The following DPP6 variants were observed in gnomAD, a reference collection of about 807,000 sequenced individuals.
The protein encoded by DPP6 is dipeptidyl peptidase like 6.
DPP6 carries 69 observed loss-of-function variants against 122.6 expected under a neutral mutation model. The ratio of observed to expected loss-of-function variants is 0.56; its 90% CI spans 0.46 to 0.69. DPP6 has a LOEUF of 0.69. Ranked by LOEUF, DPP6 falls within the 30% of genes least tolerant of loss-of-function variation. DPP6 has a pLI of 0.00. For missense variants in DPP6, 928 were observed against 1,116.9 expected (o/e 0.83, Z 2.41); for synonymous variants, 418 against 433.1 (o/e 0.97, Z 0.43).
chr7:153,790,796 A>G, the DPP6 span, among the ~76,000 whole-genome samples: 1 of 152,222 alleles, frequency 6.6e-6, no homozygotes, highest in Non-Finnish European at 1.5e-5. Flanking sequence ...AGTGTTATAA[A>G]GCTCAGCTGT....
chr7:154,600,819 C>G lies in DPP6; in HGVS notation c.627+33903C>G, dbSNP rs187444961. Among the ~76,000 whole-genome samples, 1,184 of 121,112 alleles carry G rather than the reference C, an allele frequency of 9.8e-3. 360 individuals are homozygous for G. Among genetic ancestry groups the G allele is most frequent in the Non-Finnish European group, 9.1e-3 (486 of 53,564 alleles). The allele number at this position is 121,112 out of a possible 152,430, so 79.5% of individuals were successfully genotyped here. ...ACTTAAAACCACTTGCAGCCAGGCG[C>G]AGTGGCTCATGCCTGTAATCCCAGC... On this transcript the variant is annotated intron_variant, in intron 5 of 25. Transcript: ENST00000377770.
At chr7:154,419,853 A>G (rs1817315544) in intron 1 of DPP6, among the ~76,000 whole-genome samples, 1 of 152,176 alleles carries the variant, frequency 6.6e-6, no homozygotes, top group Admixed American at 6.5e-5. Flanking sequence ...TGTTTCCAAA[A>G]TAAGTGAAAT....
chr7:153,828,250 G>A, the DPP6 span, among the ~76,000 whole-genome samples: 1 of 152,222 alleles, frequency 6.6e-6, no homozygotes. Context: ...CCAGGGGTAG[G>A]GCAGTGGAGG....
Position 154,606,918 on chromosome 7 carries a change from G to A in DPP6, c.628-30903G>A, listed in dbSNP as rs1235056795. 1.2e-4 allele frequency among the ~76,000 whole-genome samples: 14 copies of A among 121,308 alleles called. 4 individuals carry two copies. Among genetic ancestry groups the A allele is most frequent in the Non-Finnish European group, 1.7e-4 (9 of 53,802 alleles). The allele number at this position is 121,308 out of a possible 152,430, so 79.6% of individuals were successfully genotyped here. A position where few individuals can be genotyped will look rare whatever the true frequency, so the allele number is the denominator to read the frequency against. On this transcript the variant is annotated intron_variant, in intron 5 of 25. Transcript: ENST00000377770. Reference sequence around the variant, plus strand: ...GGCAGCATTCACAGTCCAGAAAAATGTACATAAATGTAAAGATACAGCATT... The same window carrying A: ...GGCAGCATTCACAGTCCAGAAAAATATACATAAATGTAAAGATACAGCATT...
chr7:154,588,123 C>A, intron 5 of DPP6: 1 of 1,575,164 alleles, frequency 6.3e-7, no homozygotes, highest in Non-Finnish European at 8.6e-7. Flanking sequence ...CTTGTTCCTT[C>A]AACACTGGTG....
intron 1 of DPP6, among the ~76,000 whole-genome samples, chr7:154,127,534 A>G (rs1287701855): frequency 6.6e-6 from 1 of 151,484 alleles, no homozygotes; most frequent in East Asian, 1.9e-4. Flanking sequence ...CAGGACTGCT[A>G]TCTGCTGTTG....
At chr7:154,503,528 A>G (rs1237932871) in intron 3 of DPP6, among the ~76,000 whole-genome samples, 2 of 152,240 alleles carry the variant, frequency 1.3e-5, no homozygotes, top group Non-Finnish European at 2.9e-5. Context: ...ACCATAAATG[A>G]CATTAAAGAA....
chr7:154,541,537 T>G (rs1003347553), intron 4 of DPP6, among the ~76,000 whole-genome samples: 2 of 152,186 alleles, frequency 1.3e-5, no homozygotes, highest in African/African-American at 4.8e-5. Flanking sequence ...TTAAAGAGAA[T>G]TAACATTTTG....
At chr7:153,881,842 G>A in the DPP6 span, among the ~76,000 whole-genome samples, 1 of 152,088 alleles carries the variant, frequency 6.6e-6, no homozygotes, top group Admixed American at 6.6e-5. Context: ...ATGTATTTCA[G>A]CTGTCATCAC....
At chr7:154,255,136 A>G (rs894062898) in intron 1 of DPP6, among the ~76,000 whole-genome samples, 2 of 152,154 alleles carry the variant, frequency 1.3e-5, no homozygotes, top group Admixed American at 6.6e-5. Context: ...CAGCTAGTCT[A>G]TTCAGACAGA....
chr7:154,238,681 A>G (rs1801376804), intron 1 of DPP6, among the ~76,000 whole-genome samples: 2 of 152,186 alleles, frequency 1.3e-5, no homozygotes, highest in African/African-American at 4.8e-5. Context: ...CTTTATTTGC[A>G]CCTACATGGG....
At chr7:154,505,618 G>A (rs189100482) in intron 3 of DPP6, among the ~76,000 whole-genome samples, 12 of 152,204 alleles carry the variant, frequency 7.9e-5, no homozygotes, top group Non-Finnish European at 1.8e-4. Flanking sequence ...TTCTTCAATT[G>A]CATCATTTCT....
intron 1 of DPP6, among the ~76,000 whole-genome samples, chr7:154,366,062 C>G (rs946940102): frequency 6.6e-6 from 1 of 152,086 alleles, no homozygotes; most frequent in African/African-American, 2.4e-5. Context: ...CCATAGACTC[C>G]TCTTGCAGCA....
chr7:154,568,643 A>C (rs1830920819), intron 5 of DPP6, among the ~76,000 whole-genome samples: 1 of 152,052 alleles, frequency 6.6e-6, no homozygotes, highest in Admixed American at 6.5e-5. Context: ...TGAACCAGAA[A>C]CCATTTTGAT....
intron 1 of DPP6, among the ~76,000 whole-genome samples, chr7:154,060,807 A>AC (rs1442236145): frequency 4.0e-5 from 3 of 75,868 alleles, no homozygotes; most frequent in Admixed American, 1.4e-4. Flanking sequence ...AGGGGGACGC[A>AC]CCCCCCATGA....
intron 5 of DPP6, chr7:154,587,111 A>G (rs76974909): frequency 0.011 from 1,623 of 153,824 alleles, 13 homozygotes; most frequent in Non-Finnish European, 0.015. Flanking sequence ...GAGTCTGACA[A>G]GCAGAGAGGT....
At chr7:153,981,952 C>T (rs1029212988) in intron 1 of DPP6, among the ~76,000 whole-genome samples, 1 of 152,072 alleles carries the variant, frequency 6.6e-6, no homozygotes. Context: ...GTAACCTGAC[C>T]TTTCTCTCTG....
At chr7:154,159,176 G>A (rs1048989275) in intron 1 of DPP6, among the ~76,000 whole-genome samples, 1 of 152,102 alleles carries the variant, frequency 6.6e-6, no homozygotes, top group Non-Finnish European at 1.5e-5. Flanking sequence ...CCCCGCACCC[G>A]GGCCCTCCCA....
At chr7:154,247,654 G>A (rs1802069238) in intron 1 of DPP6, among the ~76,000 whole-genome samples, 2 of 152,102 alleles carry the variant, frequency 1.3e-5, no homozygotes, top group Non-Finnish European at 2.9e-5. Flanking sequence ...CTTGGTGGGA[G>A]AGAGCTCTAC....
Sources: allele counts gnomAD v4.1 joint callset (sites outside exome capture counted in the v4.1 genomes callset), GRCh38; gene constraint gnomAD v4.1.1; transcripts MANE v1.5; gene names NCBI Gene and HGNC (gene_info 2026-07-23, HGNC 2026-07-21).